CDC73: variants seen among roughly 807,000 people sequenced by gnomAD.
CDC73 encodes the protein cell division cycle 73, also known as parafibromin.
A neutral mutation model predicts 83.7 loss-of-function variants in CDC73; 21 were observed. That is an observed-to-expected ratio of 0.25 (90% confidence interval 0.18 to 0.36). The LOEUF is 0.36. Among genes scored for constraint, CDC73 ranks in the 10% least tolerant of loss-of-function variants. The pLI is 1.00. For synonymous variants in CDC73, 224 were observed against 212.9 expected (o/e 1.05, Z -0.45); for missense variants, 342 against 653.3 (o/e 0.52, Z 5.19).
In CDC73 at chr1:193,138,202, G is replaced by A. The variant is rs377466186; in HGVS notation, c.512+29G>A. On this transcript the variant is annotated intron_variant, in intron 6 of 16. Transcript: ENST00000367435. The stretch of plus-strand genomic sequence containing the variant: ...AGAATTCTTTTTAAGTAGAAAGTAG[G>A]TAGTTTAGATATATGTAAAAGTATA... The A allele has an allele frequency of 2.4e-5, 33 of 1,393,034 alleles. No homozygotes were observed. In the Middle Eastern group the frequency reaches 7.1e-4, roughly 30 times the overall value. The allele number at this position is 1,393,034 out of a possible 1,614,324, so 86.3% of individuals were successfully genotyped here.
chr1:193,200,195 A>G (rs951202952), intron 10 of CDC73, among the ~76,000 whole-genome samples: 1 of 152,138 alleles, frequency 6.6e-6, no homozygotes, highest in African/African-American at 2.4e-5. Flanking sequence ...CTGCACTGCA[A>G]CCTGGGTGAG....
At chr1:193,247,160 A>G (rs763698913) in intron 15 of CDC73, among the ~76,000 whole-genome samples, 3 of 152,090 alleles carry the variant, frequency 2.0e-5, no homozygotes, top group African/African-American at 4.8e-5. Flanking sequence ...TGATAAGTCT[A>G]TTGGCACCAA....
intron 1 of CDC73, 110 bp downstream of exon 1, chr1:193,122,441 G>C (rs1675470778): frequency 1.4e-6 from 2 of 1,393,994 alleles, no homozygotes; most frequent in African/African-American, 2.8e-5. Flanking sequence ...GGATAAAACG[G>C]GTGTTCGGGG....
intron 10 of CDC73, among the ~76,000 whole-genome samples, chr1:193,188,781 T>G (rs964022733): frequency 6.6e-6 from 1 of 152,078 alleles, no homozygotes; most frequent in African/African-American, 2.4e-5. Context: ...CAGTATCGGA[T>G]TGAGTCCCTG....
At chr1:193,181,065 A>G (rs368549068) in intron 10 of CDC73, 66 of 1,613,904 alleles carry the variant, frequency 4.1e-5, no homozygotes, top group Non-Finnish European at 5.5e-5. Context: ...TAGCTCTTCT[A>G]GCTTCTATTT....
At chr1:193,195,699 A>G (rs181442579) in intron 10 of CDC73, among the ~76,000 whole-genome samples, 46 of 152,302 alleles carry the variant, frequency 3.0e-4, no homozygotes, top group Non-Finnish European at 4.4e-5. Flanking sequence ...GATAATAACC[A>G]TTCAAATGTA....
chr1:193,181,587 A>G (rs1676717858), intron 10 of CDC73: 4 of 1,535,022 alleles, frequency 2.6e-6, no homozygotes, highest in African/African-American at 2.8e-5. Flanking sequence ...GTAGTGGTAT[A>G]TGAGAGATTG....
intron 10 of CDC73, among the ~76,000 whole-genome samples, chr1:193,171,353 C>T (rs1051932260): frequency 6.6e-6 from 1 of 152,182 alleles, no homozygotes; most frequent in African/African-American, 2.4e-5. Flanking sequence ...GGAGAGGCCT[C>T]CACTTAGAGT....
At chr1:193,247,065 G>T (rs1156953722) in intron 15 of CDC73, among the ~76,000 whole-genome samples, 1 of 152,110 alleles carries the variant, frequency 6.6e-6, no homozygotes, top group Non-Finnish European at 1.5e-5. Context: ...TAAGGTACAA[G>T]GCATAGCTTG....
chr1:193,150,475 G>A, intron 9 of CDC73, 93 bp downstream of exon 9: 1 of 896,314 alleles, frequency 1.1e-6, no homozygotes, highest in Non-Finnish European at 1.9e-6. Flanking sequence ...GGTTGGCAAA[G>A]TAATGTCTAC....
intron 13 of CDC73, among the ~76,000 whole-genome samples, chr1:193,222,168 G>A (rs1370000273): frequency 6.6e-6 from 1 of 152,170 alleles, no homozygotes; most frequent in East Asian, 1.9e-4. Flanking sequence ...GAACTGTAAG[G>A]TTATTTAAAA....
intron 10 of CDC73, among the ~76,000 whole-genome samples, chr1:193,164,394 T>C (rs933715850): frequency 6.6e-6 from 1 of 152,190 alleles, no homozygotes; most frequent in African/African-American, 2.4e-5. Flanking sequence ...TAAGTAATGT[T>C]AGTATACCAT....
intron 10 of CDC73, among the ~76,000 whole-genome samples, chr1:193,181,840 C>T (rs979303575): frequency 1.3e-5 from 2 of 151,992 alleles, no homozygotes; most frequent in African/African-American, 4.8e-5. Context: ...TCACTGAGAA[C>T]AAGATTAATT....
intron 13 of CDC73, among the ~76,000 whole-genome samples, chr1:193,230,298 G>A (rs1399394752): frequency 3.3e-5 from 5 of 151,250 alleles, no homozygotes; most frequent in African/African-American, 4.9e-5. Flanking sequence ...ACAAGCGCAC[G>A]CCACCACACC....
At chr1:193,182,384 CTT>C (rs1405868579) in intron 10 of CDC73, among the ~76,000 whole-genome samples, 1 of 152,028 alleles carries the variant, frequency 6.6e-6, no homozygotes, top group Non-Finnish European at 1.5e-5. Flanking sequence ...TGTTCTTAGA[CTT>C]AAGATTAATT....
intron 11 of CDC73, among the ~76,000 whole-genome samples, chr1:193,206,732 C>A (rs1677195089): frequency 6.6e-6 from 1 of 152,162 alleles, no homozygotes; most frequent in African/African-American, 2.4e-5. Flanking sequence ...CTCACCTATT[C>A]TCTCTTTGAG....
chr1:193,212,717 A>G (rs2102038867), intron 13 of CDC73, among the ~76,000 whole-genome samples: 1 of 152,316 alleles, frequency 6.6e-6, no homozygotes, highest in South Asian at 2.1e-4. Flanking sequence ...GTACTATCGT[A>G]TTAACTTTTA....
chr1:193,227,784 A>G (rs1358733379), intron 13 of CDC73, among the ~76,000 whole-genome samples: 4 of 152,176 alleles, frequency 2.6e-5, no homozygotes, highest in Non-Finnish European at 5.9e-5. Context: ...CTTATGGACA[A>G]CTGTATTATT....
intron 10 of CDC73, among the ~76,000 whole-genome samples, chr1:193,197,611 G>A (rs1409570044): frequency 6.6e-6 from 1 of 152,012 alleles, no homozygotes; most frequent in Non-Finnish European, 1.5e-5. Flanking sequence ...TTCTTATCTG[G>A]CACTTACTAT....
Sources: gnomAD v4.1 joint callset for allele counts (sites outside exome capture counted in the v4.1 genomes callset) on GRCh38, gnomAD v4.1.1 for gene constraint, MANE v1.5 for transcripts, NCBI Gene and HGNC (gene_info 2026-07-23, HGNC 2026-07-21) for gene names.